EFL1: variants seen among roughly 807,000 people sequenced by gnomAD.
The protein encoded by EFL1 is elongation factor like GTPase 1, also known as elongation factor-like GTPase 1.
A neutral mutation model predicts 126.7 loss-of-function variants in EFL1; 76 were observed. The observed-to-expected ratio is 0.60, with a 90% CI of 0.50 to 0.73. The LOEUF is 0.73. EFL1 is among the 30% of genes least tolerant of loss of function. The pLI is 0.00. For synonymous variants in EFL1, 410 were observed against 448.4 expected, an observed-to-expected ratio of 0.91 and a Z score of 1.08; for missense variants, 1,128 against 1,343.2, an observed-to-expected ratio of 0.84 and a Z score of 2.50.
intron 3 of EFL1, among the ~76,000 whole-genome samples, chr15:82,257,105 T>C (rs1015644793): frequency 2.0e-5 from 3 of 152,228 alleles, no homozygotes; most frequent in Non-Finnish European, 2.9e-5. Context: ...CTTTACTTTA[T>C]GGAAAGATTT....
intron 15 of EFL1, among the ~76,000 whole-genome samples, chr15:82,169,594 T>C: frequency 6.6e-6 from 1 of 152,222 alleles, no homozygotes; most frequent in East Asian, 1.9e-4. Flanking sequence ...ATCATTCATA[T>C]TAGTTCTTTA....
chr15:82,181,586 C>G (rs1357464924), intron 15 of EFL1, among the ~76,000 whole-genome samples: 1 of 151,600 alleles, frequency 6.6e-6, no homozygotes, highest in Non-Finnish European at 1.5e-5. Context: ...GCATATTTTC[C>G]TGATGAAAAG....
Position 82,142,160 on chromosome 15 carries a change from C to T in EFL1, c.2990-3318G>A, listed in dbSNP as rs188528783. Among the ~76,000 whole-genome samples, 5 of 152,258 alleles carry T rather than the reference C, an allele frequency of 3.3e-5. No individual in the cohort carries two copies. The East Asian group carries it at 9.6e-4, about 29-fold the overall frequency. On this transcript the variant is annotated intron_variant, in intron 18 of 19. Transcript: ENST00000268206. ...ACTGCAAATACTTTCATACCCTTTC[C>T]ACTGGATATCTGTTCCATCATGATC...
At chr15:82,255,892 T>C (rs1379216964) in intron 3 of EFL1, among the ~76,000 whole-genome samples, 4 of 152,230 alleles carry the variant, frequency 2.6e-5, no homozygotes, top group African/African-American at 9.6e-5. Flanking sequence ...CTTACTCTTC[T>C]TCAGTCCCGG....
chr15:82,173,116 C>T (rs894829756), intron 15 of EFL1, among the ~76,000 whole-genome samples: 1 of 151,800 alleles, frequency 6.6e-6, no homozygotes, highest in African/African-American at 2.4e-5. Flanking sequence ...AGCAAAAAAT[C>T]GAAAGCACCC....
intron 7 of EFL1, among the ~76,000 whole-genome samples, chr15:82,234,494 T>A (rs531392583): frequency 2.2e-4 from 34 of 152,178 alleles, no homozygotes; most frequent in Non-Finnish European, 4.4e-4. Flanking sequence ...TCTAGTATCA[T>A]CTTTCGGGCA....
chr15:82,214,400 T>C (rs1271562611), intron 15 of EFL1, among the ~76,000 whole-genome samples: 1 of 152,212 alleles, frequency 6.6e-6, no homozygotes, highest in Non-Finnish European at 1.5e-5. Context: ...GAACCAGAAA[T>C]GCCTTAGTCA....
chr15:82,133,521 T>C (rs1192200996), intron 19 of EFL1, among the ~76,000 whole-genome samples: 3 of 152,218 alleles, frequency 2.0e-5, no homozygotes, highest in Non-Finnish European at 4.4e-5. Flanking sequence ...TGGTGAAACC[T>C]GAACAAGTGC....
In EFL1 at chr15:82,138,902, G is replaced by C. The variant is rs997776201; in HGVS notation, c.2990-60C>G. 1.1e-5 allele frequency: 16 copies of C among 1,500,440 alleles called. No homozygotes were observed. In the Admixed American group the frequency reaches 3.0e-4, roughly 28 times the overall value. 92.9% of individuals were successfully genotyped at this position (1,500,440 alleles called of 1,614,324 possible). Reference sequence around the variant, plus strand: ...AATCATATGGCTTGAGCCACACCAAGACATGATTACCCATATACTCTGTAA... The same window carrying C: ...AATCATATGGCTTGAGCCACACCAACACATGATTACCCATATACTCTGTAA... On this transcript the variant is annotated intron_variant, in intron 18 of 19. Transcript: ENST00000268206.
rs767762288 is a variant in EFL1 at position 82,157,752 on chromosome 15, TCTC to T, written c.1988_1990del (p.Gly663del). 1 of 1,613,636 alleles carries T rather than the reference TCTC, an allele frequency of 6.2e-7. No individual in the cohort carries two copies. Among genetic ancestry groups the T allele is most frequent in the Non-Finnish European group, 8.5e-7 (1 of 1,179,698 alleles). ...ATCCAGGCATCGCTGAAGGTGGACT[TCTC>T]CTGCTGTGACTAAAACGTGCTCTCC... On this transcript the variant is annotated inframe_deletion, in exon 17 of 20. Transcript: ENST00000268206.
intron 17 of EFL1, among the ~76,000 whole-genome samples, chr15:82,155,985 A>G (rs539941926): frequency 6.6e-6 from 1 of 152,270 alleles, no homozygotes; most frequent in East Asian, 1.9e-4. Flanking sequence ...GTTGTCTGTT[A>G]CAAGTGGTAT....
At chr15:82,178,278 A>C (rs1365626943) in intron 15 of EFL1, among the ~76,000 whole-genome samples, 1 of 152,210 alleles carries the variant, frequency 6.6e-6, no homozygotes, top group Non-Finnish European at 1.5e-5. Context: ...AATAACCACC[A>C]AATCACACTG....
rs989430292 is a variant in EFL1 at position 82,215,007 on chromosome 15, T to C, written c.1612-152A>G. ...GAACATTTGAAATGGTGTGATAAAA[T>C]ATGCCTCACTTTATGAATAAAATCT... On this transcript the variant is annotated intron_variant, in intron 14 of 19. Transcript: ENST00000268206. 3 of 689,388 alleles carry C rather than the reference T, an allele frequency of 4.4e-6. No homozygotes were observed. The African/African-American group carries it at 5.6e-5, about 13-fold the overall frequency. 42.7% of individuals were successfully genotyped at this position (689,388 alleles called of 1,614,324 possible). A position where few individuals can be genotyped will look rare whatever the true frequency, so the allele number is the denominator to read the frequency against.
rs537058040 is a variant in EFL1 at position 82,240,332 on chromosome 15, T to C, written c.516+86A>G. On this transcript the variant is annotated intron_variant, in intron 6 of 19. Coordinates refer to ENST00000268206, the MANE Select transcript of EFL1 (RefSeq NM_024580.6). ...TCTGAAGTGGAAAAGTTCCCTTTTC[T>C]GTAGCAACGGCTCATACCCAGCTCA... is the stretch of plus-strand genomic sequence containing the variant. 1.8e-3 allele frequency: 2,367 copies of C among 1,334,906 alleles called. 4 individuals carry two copies. The highest frequency in any genetic ancestry group is 2.1e-3 in the South Asian group (143 of 67,700). 82.7% of individuals were successfully genotyped at this position (1,334,906 alleles called of 1,614,324 possible). A position where few individuals can be genotyped will look rare whatever the true frequency, so the allele number is the denominator to read the frequency against.
chr15:82,139,969 G>C (rs1456905167), intron 18 of EFL1, among the ~76,000 whole-genome samples: 2 of 152,130 alleles, frequency 1.3e-5, no homozygotes, highest in Admixed American at 6.5e-5. Flanking sequence ...CTCTGATTCA[G>C]ATTTCCCCCT....
At chr15:82,183,043 G>A (rs2867579) in intron 15 of EFL1, among the ~76,000 whole-genome samples, 1 of 151,956 alleles carries the variant, frequency 6.6e-6, no homozygotes, top group East Asian at 1.9e-4. Flanking sequence ...GGTGAAAAAG[G>A]CCAGCAAGGA....
chr15:82,211,308 T>G (rs8043108), intron 15 of EFL1, among the ~76,000 whole-genome samples: 1 of 151,116 alleles, frequency 6.6e-6, no homozygotes, highest in Non-Finnish European at 1.5e-5. Flanking sequence ...AGGCAGATCA[T>G]GAGGTCAGGA....
rs201323175 is a variant in EFL1 at position 82,151,962 on chromosome 15, C to T, written c.2492G>A (p.Cys831Tyr). 2.5e-5 allele frequency: 41 copies of T among 1,614,126 alleles called. No individual in the cohort carries two copies. The highest frequency in any genetic ancestry group is 6.7e-5 in the East Asian group (3 of 44,874). ...TTTATTGACTAGTATGTTGGGCCCA[C>T]ATTTTCTTGGGCCAAATGACCAGAT... ...DQIWSFGPRK[C>Y]GPNILVNKSE... Residue 831 changes from cysteine to tyrosine, a missense_variant, in exon 18 of 20, where the codon TGT becomes TAT. This residue lies in a region of EFL1 where 561 missense variants were observed against 641.7 expected (regional missense o/e 0.87). Coordinates refer to ENST00000268206, the MANE Select transcript of EFL1 (RefSeq NM_024580.6).
chr15:82,227,163 A>C (rs985103011), intron 11 of EFL1, among the ~76,000 whole-genome samples: 4 of 152,204 alleles, frequency 2.6e-5, no homozygotes, highest in African/African-American at 9.7e-5. Flanking sequence ...ATTTCATGGA[A>C]CCTACAAAGC....
Sources: allele counts gnomAD v4.1 joint callset (sites outside exome capture counted in the v4.1 genomes callset), GRCh38; gene constraint gnomAD v4.1.1; regional missense constraint gnomAD v4.1.1; transcripts MANE v1.5; gene names NCBI Gene and HGNC (gene_info 2026-07-23, HGNC 2026-07-21).